MMP16: variants seen among roughly 807,000 people sequenced by gnomAD.
MMP16 encodes the protein matrix metalloproteinase-16.
MMP16 carries 12 observed loss-of-function variants against 67.8 expected under a neutral mutation model. The observed-to-expected ratio is 0.18, with a 90% confidence interval of 0.11 to 0.29. The LOEUF is 0.29. Among genes scored for constraint, MMP16 ranks in the 10% least tolerant of loss-of-function variants. MMP16 has a pLI of 1.00. For synonymous variants in MMP16, 249 were observed against 255.9 expected (o/e 0.97, Z 0.26); for missense variants, 475 against 765.7 (o/e 0.62, Z 4.48).
intron 7 of MMP16, chr8:88,069,243 T>G: frequency 3.2e-6 from 1 of 311,580 alleles, no homozygotes; most frequent in Non-Finnish European, 6.3e-6. Flanking sequence ...CATTTAGTAG[T>G]GTTTTGTTGT....
chr8:88,147,590 A>C (rs1005071961), intron 4 of MMP16, among the ~76,000 whole-genome samples: 1 of 151,830 alleles, frequency 6.6e-6, no homozygotes, highest in Non-Finnish European at 1.5e-5. Context: ...CTAACCTTGG[A>C]AAGAGTTTTG....
At chr8:88,260,076 GAA>G (rs1033179581) in intron 1 of MMP16, among the ~76,000 whole-genome samples, 14 of 151,718 alleles carry the variant, frequency 9.2e-5, no homozygotes, top group African/African-American at 3.4e-4. Flanking sequence ...TGAGGAATTA[GAA>G]AAAACAAGCC....
At chr8:88,071,476 T>G (rs1223993553) in intron 7 of MMP16, among the ~76,000 whole-genome samples, 1 of 151,066 alleles carries the variant, frequency 6.6e-6, no homozygotes, top group Non-Finnish European at 1.5e-5. Flanking sequence ...TAGCACAGAT[T>G]GGAAGAAGAA....
chr8:88,284,663 G>A (rs922126845), intron 1 of MMP16, among the ~76,000 whole-genome samples: 2 of 152,208 alleles, frequency 1.3e-5, no homozygotes, highest in South Asian at 2.1e-4. Flanking sequence ...CTAGAAGAAC[G>A]CTGCTAAGTG....
intron 1 of MMP16, among the ~76,000 whole-genome samples, chr8:88,205,865 A>G (rs1276594614): frequency 1.3e-5 from 2 of 152,204 alleles, no homozygotes; most frequent in Non-Finnish European, 2.9e-5. Flanking sequence ...TTAAATAAAA[A>G]ATACAGCATT....
At chr8:88,195,070 T>C (rs1471860092) in intron 2 of MMP16, among the ~76,000 whole-genome samples, 1 of 152,116 alleles carries the variant, frequency 6.6e-6, no homozygotes, top group Non-Finnish European at 1.5e-5. Context: ...TTCCTCCACA[T>C]TTTTTACATC....
intron 7 of MMP16, 90 bp from the exon 8 acceptor site, chr8:88,056,368 C>T (rs2616495): frequency 0.55 from 247,702 of 448,406 alleles, 68,933 homozygotes; most frequent in East Asian, 0.67. Context: ...ATATTAAATA[C>T]ATATTATACA....
intron 1 of MMP16, among the ~76,000 whole-genome samples, chr8:88,243,203 G>A (rs1017200210): frequency 6.6e-6 from 1 of 152,158 alleles, no homozygotes; most frequent in African/African-American, 2.4e-5. Flanking sequence ...AGGATAGAAA[G>A]ATAAATACAA....
chr8:88,197,989 T>C (rs1212351092), intron 1 of MMP16, among the ~76,000 whole-genome samples: 1 of 152,064 alleles, frequency 6.6e-6, no homozygotes, highest in Middle Eastern at 3.2e-3. Context: ...ATCTTAAGAG[T>C]GTTTAGACTT....
chr8:88,074,884 C>T (rs1808619656), intron 6 of MMP16, 141 bp from the exon 7 acceptor site: 1 of 1,113,668 alleles, frequency 9.0e-7, no homozygotes, highest in Non-Finnish European at 1.3e-6. Flanking sequence ...AAGAGCTAAA[C>T]AACTTGACCG....
intron 1 of MMP16, among the ~76,000 whole-genome samples, chr8:88,254,085 A>G (rs1810266745): frequency 6.6e-6 from 1 of 152,186 alleles, no homozygotes; most frequent in Non-Finnish European, 1.5e-5. Context: ...GATAGACTGG[A>G]TAAAGAAAAT....
intron 6 of MMP16, among the ~76,000 whole-genome samples, chr8:88,086,360 T>A (rs1232087041): frequency 1.2e-4 from 19 of 152,032 alleles, no homozygotes; most frequent in Non-Finnish European, 8.8e-5. Flanking sequence ...TCCTTTGAGA[T>A]CTGAAGATCG....
chr8:88,183,309 G>T (rs1244399554), intron 3 of MMP16, among the ~76,000 whole-genome samples: 1 of 152,054 alleles, frequency 6.6e-6, no homozygotes, highest in African/African-American at 2.4e-5. Context: ...AGTATATAAG[G>T]GATAGAGGAG....
At chr8:88,134,078 T>G (rs911893523) in intron 4 of MMP16, among the ~76,000 whole-genome samples, 14 of 151,904 alleles carry the variant, frequency 9.2e-5, no homozygotes, top group African/African-American at 3.1e-4. Context: ...TGTAGAGAGA[T>G]GTAAAACACT....
chr8:88,150,770 A>T (rs1364773483), intron 4 of MMP16, among the ~76,000 whole-genome samples: 2 of 151,460 alleles, frequency 1.3e-5, no homozygotes, highest in Non-Finnish European at 2.9e-5. Flanking sequence ...GCCAAAATGT[A>T]AAGACCATCG....
intron 2 of MMP16, among the ~76,000 whole-genome samples, chr8:88,190,987 A>C (rs1809161382): frequency 6.6e-6 from 1 of 152,234 alleles, no homozygotes; most frequent in Admixed American, 6.5e-5. Context: ...GGGGCACTGC[A>C]ACTTTGTAAT....
intron 1 of MMP16, among the ~76,000 whole-genome samples, chr8:88,321,768 G>A (rs1811463582): frequency 6.6e-6 from 1 of 152,094 alleles, no homozygotes; most frequent in Admixed American, 6.6e-5. Context: ...TTTCAAATTT[G>A]GAAATGGCCT....
intron 9 of MMP16, among the ~76,000 whole-genome samples, chr8:88,046,416 A>G (rs1159495792): frequency 6.6e-6 from 1 of 152,186 alleles, no homozygotes; most frequent in Non-Finnish European, 1.5e-5. Context: ...CCTCAAAGGT[A>G]TACACAACTT....
chr8:88,284,646 G>A (rs1387534718), intron 1 of MMP16, among the ~76,000 whole-genome samples: 1 of 152,100 alleles, frequency 6.6e-6, no homozygotes, highest in East Asian at 1.9e-4. Flanking sequence ...ACAGACAATG[G>A]AGATGGCTAG....
Sources: gnomAD v4.1 joint callset for allele counts (sites outside exome capture counted in the v4.1 genomes callset) on GRCh38, gnomAD v4.1.1 for gene constraint, MANE v1.5 for transcripts, NCBI Gene and HGNC (gene_info 2026-07-23, HGNC 2026-07-21) for gene names.